Variants in SLC35G1 observed in about 807,000 individuals in gnomAD.
The protein encoded by SLC35G1 is partner of STIM1.
In SLC35G1, 10 loss-of-function variants were observed where a neutral mutation model predicts 17.1. The ratio of observed to expected loss-of-function variants is 0.59; its 90% CI spans 0.36 to 0.99. SLC35G1 has a LOEUF of 0.99. Ranked by LOEUF, SLC35G1 falls within the 50% of genes least tolerant of loss-of-function variation. The pLI is 0.01. For missense variants in SLC35G1, 433 were observed against 468.4 expected (o/e 0.92, Z 0.70); for synonymous variants, 185 against 181.1 (o/e 1.02, Z -0.18).
rs1414760042 is a variant in SLC35G1, at chr10:93,901,348, CAATG to C, written c.957_960del (p.Asp321TrpfsTer27). 6.2e-7 allele frequency: 1 copy of C among 1,614,002 alleles called. No homozygotes were observed. The highest frequency in any genetic ancestry group is 8.5e-7 in the Non-Finnish European group (1 of 1,179,940). On this transcript the variant is annotated frameshift_variant, in exon 3 of 3. Transcript: ENST00000427197. LOFTEE classifies it high-confidence loss of function. ...GCAGGGCCAGTAGCAATAATGAAGA[CAATG>C]GATGTGGTCTTTGCTTTTATCTTTC...
At chr10:93,898,528 T>A in intron 1 of SLC35G1, 43 bp from the exon 2 acceptor site, 1 of 1,566,536 alleles carries the variant, frequency 6.4e-7, no homozygotes, top group Non-Finnish European at 8.6e-7. Context: ...TGATAACACA[T>A]ACACTTGGAA....
At chr10:93,903,943 A>G (rs1043055053), downstream of SLC35G1, 9 of 53,480 alleles carry the variant, frequency 1.7e-4, no homozygotes, top group African/African-American at 4.2e-4. Context: ...TATAATCTCA[A>G]AGTTTAAACT....
Position 93,901,205 on chromosome 10 carries a change from T to C in SLC35G1, c.813T>C (p.Ser271=), listed in dbSNP as rs748255518. 3 of 1,614,148 alleles carry C rather than the reference T, an allele frequency of 1.9e-6. No homozygotes were observed. The highest frequency in any genetic ancestry group is 2.5e-6 in the Non-Finnish European group (3 of 1,179,974). The change falls in exon 3 of 3, where the codon TCT becomes TCC. Residue 271 remains serine, a synonymous_variant. Coordinates refer to ENST00000427197, the MANE Select transcript of SLC35G1 (RefSeq NM_001134658.3). ...TCGTTGAAAGTGTCATCATCCTCTC[T>C]GTATTAGGAGAGTGGAGTCTGCCTT... is the stretch of plus-strand genomic sequence containing the variant. The part of the protein sequence containing the change: ...LGLVESVIIL[S]VLGEWSLPYC...
intron 1 of SLC35G1, among the ~76,000 whole-genome samples, chr10:93,897,224 C>T (rs776684893): frequency 7.2e-5 from 11 of 152,242 alleles, no homozygotes; most frequent in Middle Eastern, 3.4e-3. Flanking sequence ...ACCACAAGGC[C>T]AGGCTGTAGA....
rs776450318 is a variant in SLC35G1, at chr10:93,901,788, ATATT to A, written c.*302_*305del. On this transcript the variant is annotated 3_prime_UTR_variant, in exon 3 of 3. Transcript: ENST00000427197. ...AAACCAAAACATTTTATGGCTAGTA[ATATT>A]TATGTAATTTTTAAAATGTATTTTT... The A allele has an allele frequency of 9.9e-5, 21 of 211,682 alleles. No individual in the cohort carries two copies. Among genetic ancestry groups the A allele is most frequent in the Admixed American group, 2.7e-4 (4 of 15,064 alleles). 13.1% of individuals were successfully genotyped at this position (211,682 alleles called of 1,614,324 possible).
chr10:93,909,762 T>G (rs1364288138), exon 3 of SLC35G1: 1 of 152,356 alleles, frequency 6.6e-6, no homozygotes, highest in Middle Eastern at 3.4e-3. Context: ...ATCAAAAGAT[T>G]GAGTACCTGA....
rs757889656 is a variant in SLC35G1, at chr10:93,900,818, C to T, written c.426C>T (p.Thr142=). 1.4e-5 allele frequency: 22 copies of T among 1,613,798 alleles called. No homozygotes were observed. In the South Asian group the frequency reaches 1.5e-4, roughly 11 times the overall value. The change falls in exon 3 of 3, where the codon ACC becomes ACT. Residue 142 remains threonine, a synonymous_variant. Transcript: ENST00000427197. ...TTCTCAGAGGAGTCCTTGGTTCTAC[C>T]GCCATGATGCTTATATACTATGCTT... ...FLILRGVLGS[T]AMMLIYYAYQ...
rs1250271695 is a variant in SLC35G1 at position 93,894,030 on chromosome 10, C to T, written c.-4C>T. ...CCGGCCGCTGGTAGAGCGCGTGCCGCGAGATGCGGCCTCAGGACAGCACCG... is the reference window on the plus strand; with the variant it reads ...CCGGCCGCTGGTAGAGCGCGTGCCGTGAGATGCGGCCTCAGGACAGCACCG... On this transcript the variant is annotated 5_prime_UTR_variant, in exon 1 of 3. Transcript: ENST00000427197. 6 of 1,417,840 alleles carry T rather than the reference C, an allele frequency of 4.2e-6. No individual in the cohort carries two copies. Among genetic ancestry groups the T allele is most frequent in the East Asian group, 3.1e-5 (1 of 32,608 alleles). 87.8% of individuals were successfully genotyped at this position (1,417,840 alleles called of 1,614,324 possible).
At chr10:93,898,208 A>C (rs2060348594) in intron 1 of SLC35G1, among the ~76,000 whole-genome samples, 1 of 152,240 alleles carries the variant, frequency 6.6e-6, no homozygotes, top group South Asian at 2.1e-4. Flanking sequence ...GTGTGGCGTA[A>C]GATATCACTT....
intron 1 of SLC35G1, among the ~76,000 whole-genome samples, chr10:93,896,240 C>T (rs1168487113): frequency 6.6e-6 from 1 of 152,180 alleles, no homozygotes; most frequent in African/African-American, 2.4e-5. Flanking sequence ...AAGAGATCCT[C>T]CCACCTTGTC....
At chr10:93,897,005 C>A (rs1005953450) in intron 1 of SLC35G1, among the ~76,000 whole-genome samples, 2 of 152,150 alleles carry the variant, frequency 1.3e-5, no homozygotes, top group African/African-American at 4.8e-5. Context: ...ACAGCCAAGG[C>A]ATGTATTTTG....
Position 93,901,297 on chromosome 10 carries a change from T to C in SLC35G1, c.905T>C (p.Ile302Thr), listed in dbSNP as rs755332924. 2.5e-6 allele frequency: 4 copies of C among 1,613,814 alleles called. No homozygotes were observed. Among genetic ancestry groups the C allele is most frequent in the African/African-American group, 2.7e-5 (2 of 74,882 alleles). ...GLFGLGGQIF[I>T]TKALQIEKAG... The stretch of plus-strand genomic sequence containing the variant: ...TTTGGTTTGGGGGGTCAGATATTTA[T>C]CACAAAAGCACTTCAAATAGAAAAA... Residue 302 changes from isoleucine to threonine, a missense_variant, in exon 3 of 3, where the codon ATC (isoleucine) becomes ACC (threonine). Transcript: ENST00000427197.
downstream of SLC35G1, chr10:93,907,970 C>T (rs928958342): frequency 6.6e-6 from 1 of 152,224 alleles, no homozygotes. Flanking sequence ...TTAATCTGGG[C>T]TGTCACCCTG....
Position 93,901,355 on chromosome 10 carries a change from T to C in SLC35G1, c.963T>C (p.Asp321=). 6.2e-7 allele frequency: 1 copy of C among 1,614,080 alleles called. No homozygotes were observed. The highest frequency in any genetic ancestry group is 8.5e-7 in the Non-Finnish European group (1 of 1,179,958). ...AGPVAIMKTM[D]VVFAFIFQII... is the part of the protein sequence containing the mutation. ...CAGTAGCAATAATGAAGACAATGGA[T>C]GTGGTCTTTGCTTTTATCTTTCAGA... Residue 321 remains aspartate, a synonymous_variant, in exon 3 of 3, where the codon GAT becomes GAC. Transcript: ENST00000427197.
In SLC35G1 at chr10:93,901,232, C is replaced by A; in HGVS notation, c.840C>A (p.Tyr280Ter). 2 of 1,613,976 alleles carry A rather than the reference C, an allele frequency of 1.2e-6. No individual in the cohort carries two copies. Among genetic ancestry groups the A allele is most frequent in the Non-Finnish European group, 1.7e-6 (2 of 1,179,928 alleles). The change falls in exon 3 of 3, where the codon TAC (tyrosine) becomes TAA (stop). Residue 280 changes from tyrosine (Y) to a stop codon, truncating the protein, a stop_gained. Transcript: ENST00000427197. LOFTEE classifies it high-confidence loss of function. ...LSVLGEWSLP[Y>*]CGLDRLFLIF... The stretch of plus-strand genomic sequence containing the variant: ...TATTAGGAGAGTGGAGTCTGCCTTA[C>A]TGTGGGTTGGACAGGCTATTTCTCA...
At chr10:93,898,128 T>C (rs997339621) in intron 1 of SLC35G1, among the ~76,000 whole-genome samples, 4 of 152,218 alleles carry the variant, frequency 2.6e-5, no homozygotes, top group Non-Finnish European at 4.4e-5. Context: ...AACAGATAAC[T>C]GTATAACCCA....
At chr10:93,896,885 G>T (rs1190063868) in intron 1 of SLC35G1, among the ~76,000 whole-genome samples, 1 of 152,150 alleles carries the variant, frequency 6.6e-6, no homozygotes, top group Non-Finnish European at 1.5e-5. Context: ...TTCTCGGTCT[G>T]TTCTGTTTGA....
At chr10:93,897,839 C>T (rs1257490230) in intron 1 of SLC35G1, among the ~76,000 whole-genome samples, 1 of 152,240 alleles carries the variant, frequency 6.6e-6, no homozygotes. Context: ...AACCCACACC[C>T]TCCCCTTGAG....
At chr10:93,903,893 A>G (rs2060413424), downstream of SLC35G1, 1 of 152,290 alleles carries the variant, frequency 6.6e-6, no homozygotes, top group East Asian at 1.9e-4. Context: ...TTCAAAATAT[A>G]TTTTCTGTAG....
Sources: gnomAD v4.1 joint callset for allele counts (sites outside exome capture counted in the v4.1 genomes callset) on GRCh38, gnomAD v4.1.1 for gene constraint, MANE v1.5 for transcripts, NCBI Gene and HGNC (gene_info 2026-07-23, HGNC 2026-07-21) for gene names.